Variants in PDS5A observed in about 807,000 individuals in gnomAD.
PDS5A encodes sister chromatid cohesion protein PDS5 homolog A.
Under a neutral mutation model 167.1 loss-of-function variants are expected in PDS5A, and 42 were observed. The observed-to-expected ratio is 0.25, with a 90% CI of 0.20 to 0.33. The LOEUF (loss-of-function observed/expected upper bound fraction) is 0.33, where lower values mean the gene tolerates loss of function less well. Among genes scored for constraint, PDS5A ranks in the 10% least tolerant of loss-of-function variants. The probability of loss-of-function intolerance (pLI) is 1.00; values close to 1 mark genes in which losing one functional copy is unlikely to be tolerated. For missense variants in PDS5A, 1,033 were observed against 1,605.9 expected, an observed-to-expected ratio of 0.64 and a Z score of 6.10; for synonymous variants, 553 against 554.6, an observed-to-expected ratio of 1.00 and a Z score of 0.04.
At chr4:39,836,989 C>CT (rs71194932) in intron 32 of PDS5A, 17,936 of 98,332 alleles carry the variant, frequency 0.18, 2,099 homozygotes, top group Non-Finnish European at 0.23. Context: ...TTTGCATTTC[C>CT]TTTTTTTTTT....
rs540531865 is a variant in PDS5A, at chr4:39,960,914, T to C, written c.138+15526A>G. ...CATCATGGCCAGGATGGTCTTGATC[T>C]CTTGACTTCGTGATCCACTTGCCTC... On this transcript the variant is annotated intron_variant, in intron 2 of 32. Transcript: ENST00000303538. Among the ~76,000 whole-genome samples the C allele has an allele frequency of 2.6e-5, 4 of 152,248 alleles. No individual in the cohort carries two copies. The East Asian group carries it at 5.8e-4, about 22-fold the overall frequency.
chr4:39,943,620 CAAAAAAAAAA>C (rs67431661), intron 2 of PDS5A, among the ~76,000 whole-genome samples: 1 of 109,806 alleles, frequency 9.1e-6, no homozygotes, highest in African/African-American at 3.6e-5. Flanking sequence ...CCCGTTTCTA[CAAAAAAAAAA>C]AAAAAAAAAA....
intron 30 of PDS5A, among the ~76,000 whole-genome samples, chr4:39,844,336 G>A (rs558285870): frequency 5.3e-4 from 81 of 151,950 alleles, no homozygotes; most frequent in African/African-American, 1.9e-3. Context: ...TTAGCGGGGC[G>A]TGGTGGCAGG....
At position 39,825,197 on chromosome 4, in the gene PDS5A, G is replaced by A. The variant is rs902368170; in HGVS notation, c.*288C>T. The A allele has an allele frequency of 1.8e-5, 6 of 326,460 alleles. No individual in the cohort carries two copies. Among genetic ancestry groups the A allele is most frequent in the African/African-American group, 4.3e-5 (2 of 46,896 alleles). 20.2% of individuals were successfully genotyped at this position (326,460 alleles called of 1,614,324 possible). ...AGATAGGCAGGAACTGGAACCAAGT[G>A]TTAAGCAATTTGCTTAATTATTGAC... is the stretch of plus-strand genomic sequence containing the variant. On this transcript the variant is annotated 3_prime_UTR_variant, in exon 33 of 33. Coordinates refer to ENST00000303538, the MANE Select transcript of PDS5A (RefSeq NM_001100399.2).
intron 28 of PDS5A, 184 bp downstream of exon 28, chr4:39,848,667 G>A (rs1717855792): frequency 1.7e-6 from 1 of 576,214 alleles, no homozygotes; most frequent in Admixed American, 3.2e-5. Context: ...AACAGTATGT[G>A]TAGTCTTCTG....
intron 9 of PDS5A, among the ~76,000 whole-genome samples, chr4:39,912,204 G>A (rs1704639859): frequency 6.6e-6 from 1 of 152,184 alleles, no homozygotes; most frequent in Admixed American, 6.5e-5. Context: ...AAATAATACT[G>A]CAGACTGTGA....
chr4:39,949,081 T>A (rs1388058125), intron 2 of PDS5A, among the ~76,000 whole-genome samples: 1 of 151,534 alleles, frequency 6.6e-6, no homozygotes, highest in Non-Finnish European at 1.5e-5. Context: ...AGAGATCACC[T>A]GAGCACAGGA....
intron 12 of PDS5A, 76 bp downstream of exon 12, chr4:39,903,964 C>T (rs1723091723): frequency 5.3e-6 from 4 of 749,518 alleles, no homozygotes; most frequent in Admixed American, 7.6e-5. Context: ...TAAGAAATTA[C>T]TAAAATATTA....
At chr4:39,965,836 T>G (rs1161295337) in intron 2 of PDS5A, among the ~76,000 whole-genome samples, 1 of 152,104 alleles carries the variant, frequency 6.6e-6, no homozygotes, top group Non-Finnish European at 1.5e-5. Context: ...TTGGGGAAGA[T>G]GAAAAATTCT....
intron 28 of PDS5A, chr4:39,846,482 G>A (rs1053391295): frequency 6.6e-6 from 1 of 152,224 alleles, no homozygotes; most frequent in Non-Finnish European, 1.5e-5. Flanking sequence ...TGGGTGACAA[G>A]AGTGAAACTC....
intron 26 of PDS5A, among the ~76,000 whole-genome samples, chr4:39,852,663 C>T (rs1198576913): frequency 6.6e-6 from 1 of 152,138 alleles, no homozygotes; most frequent in African/African-American, 2.4e-5. Context: ...ATCCCCAAAG[C>T]TAATTCCAGT....
chr4:39,857,074 C>T (rs1718586703), intron 26 of PDS5A, among the ~76,000 whole-genome samples: 1 of 151,514 alleles, frequency 6.6e-6, no homozygotes, highest in Non-Finnish European at 1.5e-5. Flanking sequence ...TAAAAATGGC[C>T]GGGTGCAGTG....
intron 2 of PDS5A, among the ~76,000 whole-genome samples, chr4:39,950,265 A>G (rs962937365): frequency 6.6e-6 from 1 of 152,022 alleles, no homozygotes; most frequent in African/African-American, 2.4e-5. Context: ...AGCTGTTTTT[A>G]AAAAAGAAAA....
At chr4:39,904,014 C>A in intron 12 of PDS5A, 26 bp downstream of exon 12, 1 of 1,466,652 alleles carries the variant, frequency 6.8e-7, no homozygotes, top group Non-Finnish European at 9.2e-7. Context: ...TTACACTCAA[C>A]CATTCTACCA....
At chr4:39,868,807 T>C (rs1194579953) in intron 22 of PDS5A, 6 of 402,420 alleles carry the variant, frequency 1.5e-5, no homozygotes, top group South Asian at 7.4e-5. Flanking sequence ...GAAAAATGAA[T>C]TGATAGAATA....
intron 18 of PDS5A, 98 bp from the exon 19 acceptor site, chr4:39,877,251 G>A: frequency 1.4e-6 from 1 of 710,594 alleles, no homozygotes; most frequent in Non-Finnish European, 2.2e-6. Flanking sequence ...TAAATTCTGG[G>A]GTAAATATGC....
Position 39,898,470 on chromosome 4 carries a change from G to A in PDS5A, c.1689C>T (p.Leu563=), listed in dbSNP as rs200394020. 45 of 1,600,458 alleles carry A rather than the reference G, an allele frequency of 2.8e-5. No homozygotes were observed. Among genetic ancestry groups the A allele is most frequent in the Middle Eastern group, 1.6e-4 (1 of 6,066 alleles). ...GAGACCGAAGTTTCTCATCATCGCC[G>A]AGAACCTGGTTAAATTTCTTCACAA... is the stretch of plus-strand genomic sequence containing the variant. ...QDFVKKFNQV[L]GDDEKLRSQL... Residue 563 remains leucine, a synonymous_variant, in exon 16 of 33, where the codon CTC becomes CTT. Coordinates refer to ENST00000303538, the MANE Select transcript of PDS5A (RefSeq NM_001100399.2).
At chr4:39,962,990 AAG>A (rs1238736213) in intron 2 of PDS5A, among the ~76,000 whole-genome samples, 5 of 94,372 alleles carry the variant, frequency 5.3e-5, no homozygotes, top group Admixed American at 2.7e-4. Context: ...AAAAATGGTT[AAG>A]AGAGTAAATT....
rs776136040 is a variant in PDS5A at position 39,925,840 on chromosome 4, T to C, written c.523A>G (p.Ile175Val). The C allele has an allele frequency of 2.3e-6, 3 of 1,323,414 alleles. No individual in the cohort carries two copies. Among genetic ancestry groups the C allele is most frequent in the African/African-American group, 2.9e-5 (2 of 68,158 alleles). The allele number at this position is 1,323,414 out of a possible 1,614,324, so 82.0% of individuals were successfully genotyped here. A position where few individuals can be genotyped will look rare whatever the true frequency, so the allele number is the denominator to read the frequency against. The change falls in exon 5 of 33, where the codon ATC becomes GTC. Residue 175 changes from isoleucine to valine, a missense_variant. This residue lies in a region of PDS5A where 388 missense variants were observed against 615.1 expected (regional missense o/e 0.63). Transcript: ENST00000303538. ...IQLFRTLFSV[I>V]NNSHNKKVQM... Reference sequence around the variant, plus strand: ...AATGCTTAAAAAATAACTTACTTGATCACTGAGAAGAGAGTTCTAAAAAGC... The same window carrying C: ...AATGCTTAAAAAATAACTTACTTGACCACTGAGAAGAGAGTTCTAAAAAGC...
Sources: allele counts gnomAD v4.1 joint callset (sites outside exome capture counted in the v4.1 genomes callset), GRCh38; gene constraint gnomAD v4.1.1; regional missense constraint gnomAD v4.1.1; transcripts MANE v1.5; gene names NCBI Gene and HGNC (gene_info 2026-07-23, HGNC 2026-07-21).